The following GABRG3 variants were observed in gnomAD, a reference collection of about 807,000 sequenced individuals.
GABRG3 encodes gamma-aminobutyric acid receptor subunit gamma-3.
Under a neutral mutation model 48.8 loss-of-function variants are expected in GABRG3, and 25 were observed. That is an observed-to-expected ratio of 0.51 (90% CI 0.37 to 0.72). GABRG3 has a LOEUF of 0.72. GABRG3 is among the 30% of genes least tolerant of loss of function. The pLI is 0.00. For synonymous variants in GABRG3, 227 were observed against 217.6 expected, an observed-to-expected ratio of 1.04 and a Z score of -0.38; for missense variants, 394 against 577.9, an observed-to-expected ratio of 0.68 and a Z score of 3.26.
intron 3 of GABRG3, among the ~76,000 whole-genome samples, chr15:27,183,043 G>C (rs998682180): frequency 6.6e-5 from 10 of 152,152 alleles, no homozygotes. Context: ...TTAGCGAGAA[G>C]AGCCTTAGGT....
chr15:27,313,262 GTATATA>G (rs1169926074), intron 3 of GABRG3, among the ~76,000 whole-genome samples: 742 of 34,374 alleles, frequency 0.022, 15 homozygotes, highest in Middle Eastern at 0.058. Flanking sequence ...GTGTGTGTGT[GTATATA>G]TATATATATA....
intron 3 of GABRG3, among the ~76,000 whole-genome samples, chr15:27,071,793 C>T (rs1329675562): frequency 1.3e-5 from 2 of 152,182 alleles, no homozygotes; most frequent in Non-Finnish European, 2.9e-5. Flanking sequence ...TAAGGTATTA[C>T]CTTCTTAAAG....
At chr15:27,037,041 A>G (rs1440326187) in intron 3 of GABRG3, among the ~76,000 whole-genome samples, 1 of 152,210 alleles carries the variant, frequency 6.6e-6, no homozygotes, top group Non-Finnish European at 1.5e-5. Context: ...AGAAGGAGAC[A>G]GAGATCAGGG....
At chr15:27,357,411 A>G (rs1166134561) in intron 5 of GABRG3, among the ~76,000 whole-genome samples, 3 of 152,250 alleles carry the variant, frequency 2.0e-5, no homozygotes, top group Non-Finnish European at 4.4e-5. Context: ...AGGCTCTTAA[A>G]CATTATTGGA....
chr15:27,510,389 A>G (rs759188488), intron 6 of GABRG3, among the ~76,000 whole-genome samples: 2 of 152,116 alleles, frequency 1.3e-5, no homozygotes. Flanking sequence ...TTCTACTCAC[A>G]TACACACAGC....
intron 3 of GABRG3, among the ~76,000 whole-genome samples, chr15:27,308,361 A>G (rs1033246738): frequency 4.5e-5 from 4 of 88,730 alleles, no homozygotes; most frequent in Admixed American, 1.0e-4. Flanking sequence ...ACGTTTATAT[A>G]TAAACATATA....
chr15:27,076,709 T>C (rs1479806467), intron 3 of GABRG3, among the ~76,000 whole-genome samples: 1 of 151,690 alleles, frequency 6.6e-6, no homozygotes, highest in Non-Finnish European at 1.5e-5. Flanking sequence ...CAGAGAGAGG[T>C]GGACAGAAGA....
At chr15:27,280,804 G>T (rs1891408348) in intron 3 of GABRG3, among the ~76,000 whole-genome samples, 1 of 152,132 alleles carries the variant, frequency 6.6e-6, no homozygotes, top group Admixed American at 6.5e-5. Context: ...TCTTTTGTTG[G>T]TGATGGTAAA....
At chr15:27,381,690 T>A (rs1192422151) in intron 5 of GABRG3, among the ~76,000 whole-genome samples, 1 of 152,228 alleles carries the variant, frequency 6.6e-6, no homozygotes, top group Non-Finnish European at 1.5e-5. Context: ...TCAATGAGAA[T>A]AAGAGTGAAG....
At chr15:27,243,048 T>C (rs1890173253) in intron 3 of GABRG3, among the ~76,000 whole-genome samples, 1 of 152,224 alleles carries the variant, frequency 6.6e-6, no homozygotes, top group Non-Finnish European at 1.5e-5. Context: ...AGAGTCACCA[T>C]AGATGATTAC....
At position 27,306,537 on chromosome 15, in the gene GABRG3, CAT is replaced by C. The variant is rs571890265; in HGVS notation, c.271-20268_271-20267del. Among the ~76,000 whole-genome samples, 440 of 127,158 alleles carry C rather than the reference CAT, an allele frequency of 3.5e-3. 10 individuals are homozygous for C. Among genetic ancestry groups the C allele is most frequent in the Admixed American group, 3.0e-3 (37 of 12,264 alleles). 83.4% of individuals were successfully genotyped at this position (127,158 alleles called of 152,430 possible). A position where few individuals can be genotyped will look rare whatever the true frequency, so the allele number is the denominator to read the frequency against. ...TAAACATATATAATATAAACATAAA[CAT>C]ATAATATAAACATATATAATATAAA... On this transcript the variant is annotated intron_variant, in intron 3 of 9. Coordinates refer to ENST00000615808, the MANE Select transcript of GABRG3 (RefSeq NM_033223.5).
In GABRG3 at chr15:26,975,941, G is replaced by A. The variant is rs7181840; in HGVS notation, c.54-1061G>A. ...GGTTTGTTTCACATGCTTTCTTGCT[G>A]GGGTCAATGGTAGTCTGCCTGGAAA... On this transcript the variant is annotated intron_variant, in intron 1 of 9. Transcript: ENST00000615808. The surrounding 1 kb of genome is among the most constrained non-coding windows in gnomAD (Gnocchi z 4.6). 0.023 allele frequency among the ~76,000 whole-genome samples: 3,480 copies of A among 152,248 alleles called. 152 individuals are homozygous for A. The highest frequency in any genetic ancestry group is 0.078 in the African/African-American group (3,240 of 41,522).
At chr15:26,990,354 G>A (rs980108569) in intron 2 of GABRG3, among the ~76,000 whole-genome samples, 2 of 152,272 alleles carry the variant, frequency 1.3e-5, no homozygotes, top group African/African-American at 4.8e-5. Context: ...GTTTTGATTT[G>A]CATTTCTCTG....
At chr15:27,035,099 G>T (rs541079483) in intron 3 of GABRG3, among the ~76,000 whole-genome samples, 137 of 152,278 alleles carry the variant, frequency 9.0e-4, no homozygotes, top group African/African-American at 2.9e-3. Flanking sequence ...GGACCACCAC[G>T]CACATGTCTC....
At chr15:27,137,519 C>A (rs1898030845) in intron 3 of GABRG3, among the ~76,000 whole-genome samples, 1 of 152,094 alleles carries the variant, frequency 6.6e-6, no homozygotes, top group Non-Finnish European at 1.5e-5. Context: ...TGTGATTTTT[C>A]TTTTAAGAAT....
At chr15:27,213,776 T>C (rs911635796) in intron 3 of GABRG3, among the ~76,000 whole-genome samples, 2 of 152,350 alleles carry the variant, frequency 1.3e-5, no homozygotes, top group East Asian at 1.9e-4. Context: ...GTTTCAACCA[T>C]GTAATGTTTC....
intron 3 of GABRG3, among the ~76,000 whole-genome samples, chr15:27,104,778 C>G (rs1252047840): frequency 2.0e-5 from 3 of 152,162 alleles, no homozygotes; most frequent in Non-Finnish European, 4.4e-5. Flanking sequence ...ACAGAGAAAG[C>G]CATGGTAACA....
chr15:27,139,047 G>A (rs1167512710), intron 3 of GABRG3, among the ~76,000 whole-genome samples: 1 of 152,026 alleles, frequency 6.6e-6, no homozygotes, highest in Non-Finnish European at 1.5e-5. Context: ...AGACAGAGAG[G>A]TATATGAGAA....
At chr15:27,066,511 G>GAAGAAA (rs1896740082) in intron 3 of GABRG3, among the ~76,000 whole-genome samples, 1 of 152,104 alleles carries the variant, frequency 6.6e-6, no homozygotes, top group South Asian at 2.1e-4. Context: ...AATATGCCTG[G>GAAGAAA]AAGAAAAAGA....
Sources: allele counts gnomAD v4.1 joint callset (sites outside exome capture counted in the v4.1 genomes callset), GRCh38; gene constraint gnomAD v4.1.1; non-coding constraint Gnocchi (gnomAD v3.1); transcripts MANE v1.5; gene names NCBI Gene and HGNC (gene_info 2026-07-23, HGNC 2026-07-21).